Variants in DNAJC10 observed in about 807,000 individuals in gnomAD.
DNAJC10 encodes the protein endoplasmic reticulum disulfide reductase DNAJC10.
In DNAJC10, 101 loss-of-function variants were observed where a neutral mutation model predicts 115.0. The observed-to-expected ratio is 0.88, with a 90% CI of 0.75 to 1.04. DNAJC10 has a LOEUF of 1.04. DNAJC10 is among the 50% of genes least tolerant of loss of function. The pLI, the probability that DNAJC10 is intolerant of heterozygous loss-of-function variation, is 0.00. For synonymous variants in DNAJC10, 307 were observed against 301.5 expected (o/e 1.02, Z -0.19); for missense variants, 981 against 928.8 (o/e 1.06, Z -0.73).
At chr2:182,738,367 G>A (rs1433204076) in intron 11 of DNAJC10, among the ~76,000 whole-genome samples, 1 of 152,122 alleles carries the variant, frequency 6.6e-6, no homozygotes, top group Non-Finnish European at 1.5e-5. Flanking sequence ...CCTACACCCT[G>A]TCCAACAATA....
intron 23 of DNAJC10, among the ~76,000 whole-genome samples, chr2:182,776,668 T>C (rs1028194745): frequency 6.6e-6 from 1 of 152,202 alleles, no homozygotes. Context: ...GAATATTTTT[T>C]ACGAATCTGA....
chr2:182,789,224 A>G lies in DNAJC10; in HGVS notation c.*12092A>G, dbSNP rs1052130320. On this transcript the variant is annotated 3_prime_UTR_variant, in exon 24 of 24. Transcript: ENST00000264065. ...ACTCACCCATGTTGTAGCATGTGTC[A>G]TAATTTTCTTGTTTTGAGACGGAGT... 1.2e-5 allele frequency: 2 copies of G among 163,110 alleles called. No homozygotes were observed. Among genetic ancestry groups the G allele is most frequent in the South Asian group, 1.6e-4 (1 of 6,104 alleles). 10.1% of individuals were successfully genotyped at this position (163,110 alleles called of 1,614,324 possible).
Position 182,783,112 on chromosome 2 carries a change from GA to G in DNAJC10, c.*5983del, listed in dbSNP as rs1162062634. On this transcript the variant is annotated 3_prime_UTR_variant, in exon 24 of 24. Transcript: ENST00000264065. Reference sequence around the variant, plus strand: ...CTAGTTTTTTGAGTGTTTTTAGCATGAAAGGGTGTTAATTTTATCGAAGGCC... The same window carrying G: ...CTAGTTTTTTGAGTGTTTTTAGCATGAAGGGTGTTAATTTTATCGAAGGCC... 2.6e-5 allele frequency: 4 copies of G among 151,890 alleles called. No individual in the cohort carries two copies. Among genetic ancestry groups the G allele is most frequent in the Non-Finnish European group, 4.4e-5 (3 of 67,794 alleles). 9.4% of individuals were successfully genotyped at this position (151,890 alleles called of 1,614,324 possible).
chr2:182,763,061 A>G (rs935454549), intron 22 of DNAJC10, among the ~76,000 whole-genome samples: 1 of 152,164 alleles, frequency 6.6e-6, no homozygotes, highest in African/African-American at 2.4e-5. Flanking sequence ...AGACAAAAAA[A>G]GTATTATTCG....
Position 182,780,414 on chromosome 2 carries a change from C to G in DNAJC10, c.*3282C>G, listed in dbSNP as rs549162251. ...CTCTGTGTGACATGCCTTCTCCCCC[C>G]GTGCCTTCTGCCATGAGTAAAAGCT... On this transcript the variant is annotated 3_prime_UTR_variant, in exon 24 of 24. Coordinates refer to ENST00000264065, the MANE Select transcript of DNAJC10 (RefSeq NM_018981.4). 6.6e-6 allele frequency: 1 copy of G among 152,342 alleles called. No homozygotes were observed. Among genetic ancestry groups the G allele is most frequent in the African/African-American group, 2.4e-5 (1 of 41,550 alleles). 9.4% of individuals were successfully genotyped at this position (152,342 alleles called of 1,614,324 possible). A position where few individuals can be genotyped will look rare whatever the true frequency, so the allele number is the denominator to read the frequency against.
chr2:182,740,374 G>T lies in DNAJC10; in HGVS notation c.1063G>T (p.Ala355Ser), dbSNP rs763260074. The T allele has an allele frequency of 6.4e-7, 1 of 1,574,548 alleles. No individual in the cohort carries two copies. Among genetic ancestry groups the T allele is most frequent in the African/African-American group, 1.4e-5 (1 of 72,866 alleles). The change falls in exon 12 of 24, where the codon GCA becomes TCA. Residue 355 changes from alanine to serine, a missense_variant. By Grantham distance (99) the Ala-to-Ser change is moderately conservative. Transcript: ENST00000264065. Reference sequence around the variant, plus strand: ...TCTTCCAGATTTTGAACTACTTTCGGCAAACACACTAGAGGTAATGTTTTT... The same window carrying T: ...TCTTCCAGATTTTGAACTACTTTCGTCAAACACACTAGAGGTAATGTTTTT... ...HNLPDFELLS[A>S]NTLEDRLAHH...
chr2:182,766,084 C>T (rs1694404246), intron 22 of DNAJC10, among the ~76,000 whole-genome samples: 1 of 152,216 alleles, frequency 6.6e-6, no homozygotes, highest in East Asian at 1.9e-4. Context: ...TAGGTTGGCA[C>T]CAAGCCTTAA....
At position 182,752,824 on chromosome 2, in the gene DNAJC10, G is replaced by C. The variant is rs116715957; in HGVS notation, c.1551+636G>C. On this transcript the variant is annotated intron_variant, in intron 16 of 23. Coordinates refer to ENST00000264065, the MANE Select transcript of DNAJC10 (RefSeq NM_018981.4). Reference sequence around the variant, plus strand: ...AAGTGACACCATGGATATGAAATCTGCACTTCCCAGTATGGGAGAACTTTA... The same window carrying C: ...AAGTGACACCATGGATATGAAATCTCCACTTCCCAGTATGGGAGAACTTTA... Among the ~76,000 whole-genome samples, 490 of 152,124 alleles carry C rather than the reference G, an allele frequency of 3.2e-3. 1 individual carries two copies. The highest frequency in any genetic ancestry group is 0.011 in the African/African-American group (470 of 41,504).
intron 11 of DNAJC10, 72 bp downstream of exon 11, chr2:182,736,458 GTA>G: frequency 5.3e-6 from 6 of 1,133,392 alleles, no homozygotes; most frequent in African/African-American, 1.6e-5. Context: ...CATTATTTTT[GTA>G]AGCAGTGAGC....
Position 182,720,174 on chromosome 2 carries a change from G to C in DNAJC10, c.367+5G>C, listed in dbSNP as rs370314672. 1.2e-6 allele frequency: 2 copies of C among 1,600,986 alleles called. No individual in the cohort carries two copies. Among genetic ancestry groups the C allele is most frequent in the Non-Finnish European group, 1.7e-6 (2 of 1,174,700 alleles). Reference sequence around the variant, plus strand: ...ACTATTATCGTTATGATTTTGGTAAGGTGATACGATATTACTTATGAAATG... The same window carrying C: ...ACTATTATCGTTATGATTTTGGTAACGTGATACGATATTACTTATGAAATG... On this transcript the variant is annotated splice_donor_5th_base_variant and intron_variant, in intron 4 of 23. Transcript: ENST00000264065.
intron 12 of DNAJC10, among the ~76,000 whole-genome samples, chr2:182,740,762 T>C (rs182901516): frequency 6.6e-6 from 1 of 152,284 alleles, no homozygotes; most frequent in African/African-American, 2.4e-5. Flanking sequence ...CTGAGAAATA[T>C]TGCTTGTGGT....
At chr2:182,735,275 A>G (rs1425073771) in intron 10 of DNAJC10, among the ~76,000 whole-genome samples, 3 of 151,820 alleles carry the variant, frequency 2.0e-5, no homozygotes, top group African/African-American at 7.2e-5. Context: ...AGAGTACTAA[A>G]CAGAAATTAT....
At chr2:182,754,178 T>C (rs1422977461) in intron 16 of DNAJC10, among the ~76,000 whole-genome samples, 3 of 152,224 alleles carry the variant, frequency 2.0e-5, no homozygotes, top group African/African-American at 7.2e-5. Context: ...CATAGTTAAA[T>C]TTTAGCTATA....
chr2:182,739,993 TC>T (rs1693690352), intron 11 of DNAJC10: 1 of 1,001,626 alleles, frequency 1.0e-6, no homozygotes, highest in Non-Finnish European at 1.2e-6. Flanking sequence ...GGGAGGTCAC[TC>T]AGGATTTTTC....
chr2:182,727,546 C>T (rs1487695237), intron 5 of DNAJC10, among the ~76,000 whole-genome samples: 1 of 151,994 alleles, frequency 6.6e-6, no homozygotes, highest in Non-Finnish European at 1.5e-5. Flanking sequence ...CAAAGAACAG[C>T]CCATAGTCCT....
chr2:182,769,402 C>T (rs1237210694), intron 22 of DNAJC10, among the ~76,000 whole-genome samples: 7 of 152,208 alleles, frequency 4.6e-5, no homozygotes, highest in Non-Finnish European at 8.8e-5. Flanking sequence ...AATCGCCACA[C>T]TGTCTTACAC....
chr2:182,738,563 C>T (rs1403208860), intron 11 of DNAJC10, among the ~76,000 whole-genome samples: 9 of 150,998 alleles, frequency 6.0e-5, no homozygotes, highest in African/African-American at 1.2e-4. Flanking sequence ...TTTTTTGAGA[C>T]GGAGTCTTGT....
intron 21 of DNAJC10, 92 bp downstream of exon 21, chr2:182,759,399 T>C (rs946339801): frequency 8.1e-7 from 1 of 1,239,736 alleles, no homozygotes; most frequent in African/African-American, 1.6e-5. Context: ...TAGGTTTTTT[T>C]CTTAAATGTT....
At chr2:182,748,649 C>G (rs1693935772) in intron 14 of DNAJC10, among the ~76,000 whole-genome samples, 1 of 152,108 alleles carries the variant, frequency 6.6e-6, no homozygotes, top group Non-Finnish European at 1.5e-5. Flanking sequence ...TGCTAGCGGT[C>G]TATCAGTTTT....
Sources: gnomAD v4.1 joint callset for allele counts (sites outside exome capture counted in the v4.1 genomes callset) on GRCh38, gnomAD v4.1.1 for gene constraint, MANE v1.5 for transcripts, NCBI Gene and HGNC (gene_info 2026-07-23, HGNC 2026-07-21) for gene names.